The following ZNF407 variants were observed in gnomAD, a reference collection of about 807,000 sequenced individuals.
ZNF407 encodes zinc finger protein 407.
ZNF407 carries 17 observed loss-of-function variants against 131.2 expected under a neutral mutation model. The ratio of observed to expected loss-of-function variants is 0.13; its 90% CI spans 0.09 to 0.19. ZNF407 has a LOEUF of 0.19. Among genes scored for constraint, ZNF407 ranks in the 10% least tolerant of loss-of-function variants. The pLI is 1.00. For synonymous variants in ZNF407, 1,156 were observed against 1,062.0 expected, an observed-to-expected ratio of 1.09 and a Z score of -1.72; for missense variants, 2,681 against 2,830.6, an observed-to-expected ratio of 0.95 and a Z score of 1.20.
intron 3 of ZNF407, among the ~76,000 whole-genome samples, chr18:74,767,523 A>G (rs1227485287): frequency 1.3e-5 from 2 of 152,026 alleles, no homozygotes; most frequent in African/African-American, 4.8e-5. Flanking sequence ...CATGGAAAAT[A>G]TTTATCTTAA....
At chr18:74,827,076 G>A (rs1471257617) in intron 4 of ZNF407, among the ~76,000 whole-genome samples, 1 of 152,172 alleles carries the variant, frequency 6.6e-6, no homozygotes, top group Admixed American at 6.5e-5. Flanking sequence ...TCAACCTGGA[G>A]CAGTTCTTTA....
chr18:74,602,816 A>G (rs1329509319), intron 1 of ZNF407, among the ~76,000 whole-genome samples: 1 of 152,116 alleles, frequency 6.6e-6, no homozygotes, highest in Non-Finnish European at 1.5e-5. Flanking sequence ...TGTCCAGTGT[A>G]GTCTGTGAGT....
chr18:74,669,326 C>G (rs1399723192), intron 3 of ZNF407, among the ~76,000 whole-genome samples: 1 of 152,148 alleles, frequency 6.6e-6, no homozygotes, highest in Non-Finnish European at 1.5e-5. Flanking sequence ...GGGGTAGGAC[C>G]CCATGGAGAA....
At chr18:74,692,749 G>C (rs1306551312) in intron 3 of ZNF407, among the ~76,000 whole-genome samples, 2 of 152,116 alleles carry the variant, frequency 1.3e-5, no homozygotes, top group Non-Finnish European at 2.9e-5. Context: ...TAGTGGAACT[G>C]CCTTGTGTTC....
chr18:74,605,041 C>G (rs1033982425), intron 1 of ZNF407, among the ~76,000 whole-genome samples: 2 of 152,202 alleles, frequency 1.3e-5, no homozygotes, highest in Non-Finnish European at 2.9e-5. Context: ...GTTTAACTAA[C>G]AGTCTAATTT....
intron 3 of ZNF407, among the ~76,000 whole-genome samples, chr18:74,763,483 T>C (rs951657313): frequency 1.6e-4 from 24 of 151,560 alleles, no homozygotes; most frequent in Non-Finnish European, 3.4e-4. Context: ...TTTTGTGTAA[T>C]ATCCCAGAAA....
intron 4 of ZNF407, among the ~76,000 whole-genome samples, chr18:74,810,583 C>G (rs1411520683): frequency 1.3e-5 from 2 of 152,076 alleles, no homozygotes; most frequent in Non-Finnish European, 2.9e-5. Flanking sequence ...TTTATTTATT[C>G]CTAGTGGTTT....
chr18:74,845,424 A>G (rs546471756), intron 4 of ZNF407, among the ~76,000 whole-genome samples: 1 of 152,358 alleles, frequency 6.6e-6, no homozygotes, highest in Admixed American at 6.5e-5. Context: ...TCTAAACATA[A>G]AAGAATTATT....
At chr18:74,938,600 T>A (rs8089721) in intron 8 of ZNF407, among the ~76,000 whole-genome samples, 3,600 of 152,334 alleles carry the variant, frequency 0.024, 150 homozygotes, top group African/African-American at 0.083. Context: ...TTATCCTTAG[T>A]AACCATGCTG....
intron 4 of ZNF407, among the ~76,000 whole-genome samples, chr18:74,854,696 T>C (rs1270306077): frequency 6.6e-6 from 1 of 152,104 alleles, no homozygotes; most frequent in African/African-American, 2.4e-5. Flanking sequence ...CAATATATAT[T>C]ACACACCCAA....
chr18:74,785,631 G>A (rs184363241), intron 4 of ZNF407, among the ~76,000 whole-genome samples: 81 of 152,242 alleles, frequency 5.3e-4, no homozygotes, highest in Admixed American at 2.5e-3. Flanking sequence ...AAGTTGAAGT[G>A]GCATAAAAGC....
intron 7 of ZNF407, among the ~76,000 whole-genome samples, chr18:74,893,567 G>GCT (rs1971415367): frequency 6.6e-6 from 1 of 152,084 alleles, no homozygotes; most frequent in Non-Finnish European, 1.5e-5. Context: ...TTGATGTGAT[G>GCT]AAAAAAAGAT....
rs1969722911 is a variant in ZNF407, at chr18:74,786,791, A to AGG, written c.4877+5289_4877+5290insGG. On this transcript the variant is annotated intron_variant, in intron 4 of 8. Transcript: ENST00000299687. ...TTAATTGGTTTTAATGTAAAAAAGT[A>AGG]TGTTTTTTTTTTTTTTTTTTTTTTT... 3.3e-3 allele frequency among the ~76,000 whole-genome samples: 255 copies of AGG among 77,724 alleles called. 52 individuals carry two copies. Among genetic ancestry groups the AGG allele is most frequent in the African/African-American group, 0.011 (240 of 22,730 alleles). 51.0% of individuals were successfully genotyped at this position (77,724 alleles called of 152,430 possible). A position where few individuals can be genotyped will look rare whatever the true frequency, so the allele number is the denominator to read the frequency against.
intron 3 of ZNF407, among the ~76,000 whole-genome samples, chr18:74,729,766 TA>T (rs1968249768): frequency 6.6e-6 from 1 of 152,056 alleles, no homozygotes; most frequent in African/African-American, 2.4e-5. Flanking sequence ...TTATTCAGTA[TA>T]AATATAAGGG....
chr18:74,843,340 C>A (rs907884308), intron 4 of ZNF407, among the ~76,000 whole-genome samples: 2 of 152,018 alleles, frequency 1.3e-5, no homozygotes, highest in Non-Finnish European at 2.9e-5. Context: ...TTTATTCAGT[C>A]ATATTAAGAT....
At chr18:74,785,931 G>C (rs1969702419) in intron 4 of ZNF407, among the ~76,000 whole-genome samples, 1 of 152,110 alleles carries the variant, frequency 6.6e-6, no homozygotes, top group Non-Finnish European at 1.5e-5. Flanking sequence ...CACACACGAT[G>C]TCACTCACAT....
At chr18:74,801,079 C>G (rs145212606) in intron 4 of ZNF407, among the ~76,000 whole-genome samples, 282 of 152,088 alleles carry the variant, frequency 1.9e-3, no homozygotes, top group Non-Finnish European at 2.1e-3. Flanking sequence ...GCAGTCCATA[C>G]TCTTAGTGAT....
At chr18:74,749,240 G>T (rs565594574) in intron 3 of ZNF407, among the ~76,000 whole-genome samples, 5 of 152,204 alleles carry the variant, frequency 3.3e-5, no homozygotes, top group South Asian at 4.1e-4. Flanking sequence ...AGAGCATCGC[G>T]TGTACAGGTC....
chr18:75,045,261 T>C (rs915614105), intron 8 of ZNF407, among the ~76,000 whole-genome samples: 7 of 152,320 alleles, frequency 4.6e-5, no homozygotes, highest in South Asian at 4.1e-4. Context: ...AAAGAAAATA[T>C]AATCTAACTG....
Sources: gnomAD v4.1 joint callset for allele counts (sites outside exome capture counted in the v4.1 genomes callset) on GRCh38, gnomAD v4.1.1 for gene constraint, MANE v1.5 for transcripts, NCBI Gene and HGNC (gene_info 2026-07-23, HGNC 2026-07-21) for gene names.